CCDC158: variants seen among roughly 807,000 people sequenced by gnomAD.
The protein encoded by CCDC158 is coiled-coil domain-containing protein 158.
Under a neutral mutation model 138.6 loss-of-function variants are expected in CCDC158, and 116 were observed. The observed-to-expected ratio is 0.84, with a 90% CI of 0.72 to 0.98. The LOEUF (loss-of-function observed/expected upper bound fraction) is 0.98, where lower values mean the gene tolerates loss of function less well. Ranked by LOEUF, CCDC158 falls within the 50% of genes least tolerant of loss-of-function variation. The pLI is 0.00. For synonymous variants in CCDC158, 436 were observed against 442.4 expected (o/e 0.99, Z 0.18); for missense variants, 1,265 against 1,306.1 (o/e 0.97, Z 0.48).
rs578156101 is a variant in CCDC158 at position 76,362,190 on chromosome 4, T to C, written c.1956A>G (p.Lys652=). Residue 652 remains lysine (K), a synonymous_variant, in exon 13 of 25, where the codon AAA becomes AAG. Transcript: ENST00000682701. ...SERLRAVKDI[K]QERDQLLNEV... is the part of the protein sequence containing the mutation. ...CATTTAATAATTGATCTCTCTCTTG[T>C]TTGATGTCCTTCACTGCACGGAGCC... The C allele has an allele frequency of 6.2e-7, 1 of 1,614,132 alleles. No homozygotes were observed. Among genetic ancestry groups the C allele is most frequent in the Admixed American group, 1.7e-5 (1 of 60,024 alleles).
chr4:76,382,145 T>G (rs1233812679), intron 8 of CCDC158, among the ~76,000 whole-genome samples: 1 of 152,148 alleles, frequency 6.6e-6, no homozygotes, highest in African/African-American at 2.4e-5. Context: ...TCTCATGAGA[T>G]CTGATGATTT....
chr4:76,323,629 A>T (rs1364079446), intron 23 of CCDC158, among the ~76,000 whole-genome samples: 2 of 152,194 alleles, frequency 1.3e-5, no homozygotes, highest in Admixed American at 1.3e-4. Context: ...AGCCTATTTG[A>T]TTGTGCTCAA....
intron 8 of CCDC158, among the ~76,000 whole-genome samples, chr4:76,381,080 T>C (rs945864496): frequency 6.6e-6 from 1 of 152,226 alleles, no homozygotes; most frequent in Non-Finnish European, 1.5e-5. Flanking sequence ...AGACATCTGC[T>C]GTAGGAGTAG....
intron 15 of CCDC158, 98 bp downstream of exon 15, chr4:76,355,226 T>C: frequency 2.6e-6 from 2 of 780,152 alleles, no homozygotes; most frequent in Admixed American, 3.8e-5. Flanking sequence ...AGCTTTCCTT[T>C]TCCCCTTGCA....
intron 2 of CCDC158, chr4:76,407,140 T>G (rs1011717314): frequency 4.6e-5 from 7 of 152,250 alleles, no homozygotes; most frequent in African/African-American, 1.7e-4. Flanking sequence ...TTCATGATTG[T>G]AAGCATAAAG....
intron 18 of CCDC158, among the ~76,000 whole-genome samples, chr4:76,350,365 G>C (rs1722935713): frequency 6.6e-6 from 1 of 152,192 alleles, no homozygotes; most frequent in Non-Finnish European, 1.5e-5. Context: ...CCATATGTAA[G>C]ATAGGACTTT....
chr4:76,385,003 A>C (rs116554249), intron 4 of CCDC158, among the ~76,000 whole-genome samples: 1 of 152,208 alleles, frequency 6.6e-6, no homozygotes, highest in African/African-American at 2.4e-5. Context: ...AAAAAAGTCA[A>C]TCCCTACCTC....
At chr4:76,364,168 G>A (rs1372125096) in intron 12 of CCDC158, among the ~76,000 whole-genome samples, 1 of 152,118 alleles carries the variant, frequency 6.6e-6, no homozygotes, top group African/African-American at 2.4e-5. Flanking sequence ...CTACCATGTT[G>A]CCAGTCTAAG....
chr4:76,353,223 G>A lies in CCDC158; in HGVS notation c.2345C>T (p.Ala782Val). The A allele has an allele frequency of 1.9e-6, 3 of 1,613,040 alleles. No homozygotes were observed. The highest frequency in any genetic ancestry group is 2.5e-6 in the Non-Finnish European group (3 of 1,179,478). The change falls in exon 16 of 25, where the codon GCC becomes GTC. Residue 782 changes from alanine to valine, a missense_variant. Coordinates refer to ENST00000682701, the MANE Select transcript of CCDC158 (RefSeq NM_001394954.1). ...CCCAGCCATCTTGTTTTTTTCTGTG[G>A]CAACAGTACTCAATTCCTGACTGAG... Reference protein sequence around the residue: ...SKLSQELSTVATEKNKMAGEL... With the variant: ...SKLSQELSTVVTEKNKMAGEL...
chr4:76,388,144 T>A (rs1431862178), intron 4 of CCDC158, among the ~76,000 whole-genome samples: 2 of 152,182 alleles, frequency 1.3e-5, no homozygotes, highest in Non-Finnish European at 2.9e-5. Flanking sequence ...ACCTAGCACA[T>A]TCCCAGCTAT....
At position 76,353,275 on chromosome 4, in the gene CCDC158, G is replaced by T; in HGVS notation, c.2293C>A (p.His765Asn). ...EAMTNANKEK[H>N]FLKEEKSKLS... is the part of the protein sequence containing the mutation. ...TTACTTTTCTCTTCTTTCAGAAAAT[G>T]TTTCTCCTACAATTATATGAGAGAA... The change falls in exon 16 of 25, where the codon CAT (histidine) becomes AAT (asparagine). Residue 765 changes from histidine (H) to asparagine (N), a missense_variant. His to Asn is a moderately conservative substitution (Grantham distance 68, BLOSUM62 1). Coordinates refer to ENST00000682701, the MANE Select transcript of CCDC158 (RefSeq NM_001394954.1). 6.2e-7 allele frequency: 1 copy of T among 1,603,822 alleles called. No homozygotes were observed. The highest frequency in any genetic ancestry group is 1.1e-5 in the South Asian group (1 of 89,140).
intron 10 of CCDC158, 35 bp downstream of exon 10, chr4:76,371,382 A>T: frequency 1.3e-6 from 2 of 1,599,048 alleles, no homozygotes; most frequent in Non-Finnish European, 1.7e-6. Flanking sequence ...ACTTCCCAGA[A>T]TTAGTCTTAT....
Position 76,420,141 on chromosome 4 carries a change from GACC to G in CCDC158, c.-117+821_-117+823del, listed in dbSNP as rs368375847. Among the ~76,000 whole-genome samples the G allele has an allele frequency of 1.8e-3, 268 of 151,942 alleles. 2 individuals are homozygous for G. Among genetic ancestry groups the G allele is most frequent in the African/African-American group, 6.2e-3 (255 of 41,408 alleles). On this transcript the variant is annotated intron_variant, in intron 1 of 24. Coordinates refer to ENST00000682701, the MANE Select transcript of CCDC158 (RefSeq NM_001394954.1). ...AATGAGCGCAGTACAGAGATAGGAG[GACC>G]ACATCTCTCTCAGCACTCCTGCACC...
intron 9 of CCDC158, among the ~76,000 whole-genome samples, 167 bp from the exon 10 acceptor site, chr4:76,371,703 C>T (rs10022886): frequency 0.03 from 4,505 of 152,014 alleles, 223 homozygotes; most frequent in African/African-American, 0.1. Context: ...TTTGGGAGGC[C>T]GAGGCGGGTG....
At chr4:76,371,976 G>T (rs982718361) in intron 9 of CCDC158, among the ~76,000 whole-genome samples, 2 of 147,654 alleles carry the variant, frequency 1.4e-5, no homozygotes, top group Non-Finnish European at 1.5e-5. Flanking sequence ...GATGTGTCTT[G>T]TAAAGTTTTT....
At chr4:76,393,545 G>C (rs1348350768) in intron 4 of CCDC158, among the ~76,000 whole-genome samples, 1 of 151,920 alleles carries the variant, frequency 6.6e-6, no homozygotes, top group Non-Finnish European at 1.5e-5. Context: ...GAAAACATTG[G>C]GGTCAACTTC....
chr4:76,344,515 G>A, intron 18 of CCDC158: 1 of 829,230 alleles, frequency 1.2e-6, no homozygotes, highest in South Asian at 1.3e-5. Flanking sequence ...TCCAGCCAGT[G>A]CCTGATGTGC....
At chr4:76,355,798 C>CGTGTGTGTGTGT (rs71212417) in intron 14 of CCDC158, among the ~76,000 whole-genome samples, 16,961 of 145,412 alleles carry the variant, frequency 0.12, 1,084 homozygotes, top group African/African-American at 0.16. Flanking sequence ...AATATATGTA[C>CGTGTGTGTGTGT]GTGTGTGTGT....
At chr4:76,316,501 G>A (rs987148374) in intron 24 of CCDC158, among the ~76,000 whole-genome samples, 6 of 152,076 alleles carry the variant, frequency 3.9e-5, no homozygotes, top group African/African-American at 1.4e-4. Context: ...GTGTTCATAA[G>A]GAAGAAGATG....
Sources: gnomAD v4.1 joint callset for allele counts (sites outside exome capture counted in the v4.1 genomes callset) on GRCh38, gnomAD v4.1.1 for gene constraint, MANE v1.5 for transcripts, NCBI Gene and HGNC (gene_info 2026-07-23, HGNC 2026-07-21) for gene names.